CNOT10: variants seen among roughly 807,000 people sequenced by gnomAD.
CNOT10 encodes CCR4-NOT transcription complex subunit 10.
A neutral mutation model predicts 94.6 loss-of-function variants in CNOT10; 30 were observed. The ratio of observed to expected loss-of-function variants is 0.32; its 90% CI spans 0.24 to 0.43. The LOEUF is 0.43. CNOT10 is among the 20% of genes least tolerant of loss of function. The pLI is 1.00. For missense variants in CNOT10, 759 were observed against 877.2 expected, an observed-to-expected ratio of 0.87 and a Z score of 1.70; for synonymous variants, 289 against 301.6, an observed-to-expected ratio of 0.96 and a Z score of 0.43.
intron 13 of CNOT10, among the ~76,000 whole-genome samples, chr3:32,739,348 T>C (rs1418102838): frequency 6.6e-6 from 1 of 152,218 alleles, no homozygotes; most frequent in Admixed American, 6.5e-5. Context: ...TCGTTTCTGC[T>C]CTTTATTTTA....
intron 13 of CNOT10, among the ~76,000 whole-genome samples, chr3:32,745,693 T>C (rs746189316): frequency 6.6e-6 from 1 of 152,138 alleles, no homozygotes; most frequent in African/African-American, 2.4e-5. Flanking sequence ...GGAATACTAG[T>C]CAGCTATAAG....
chr3:32,762,266 A>AATTTCT (rs1553639009), intron 14 of CNOT10, among the ~76,000 whole-genome samples: 13 of 149,372 alleles, frequency 8.7e-5, no homozygotes, highest in Non-Finnish European at 1.5e-4. Context: ...GATCGATCTT[A>AATTTCT]ATTTTTATTT....
intron 1 of CNOT10, among the ~76,000 whole-genome samples, chr3:32,703,453 AAG>A (rs977815717): frequency 6.6e-6 from 1 of 152,190 alleles, no homozygotes; most frequent in African/African-American, 2.4e-5. Context: ...GAGGCACAGT[AAG>A]AGATTAACAA....
At chr3:32,703,019 C>T (rs1020377812) in intron 1 of CNOT10, among the ~76,000 whole-genome samples, 8 of 151,010 alleles carry the variant, frequency 5.3e-5, no homozygotes. Flanking sequence ...TCACGCCATT[C>T]TCCCGCCTCA....
At chr3:32,691,382 C>T (rs1696842443) in intron 1 of CNOT10, among the ~76,000 whole-genome samples, 1 of 151,976 alleles carries the variant, frequency 6.6e-6, no homozygotes, top group Non-Finnish European at 1.5e-5. Context: ...AGGATGGTCT[C>T]GATCTTCTGA....
chr3:32,709,644 T>C (rs1228255998), intron 4 of CNOT10, among the ~76,000 whole-genome samples: 1 of 152,104 alleles, frequency 6.6e-6, no homozygotes, highest in Non-Finnish European at 1.5e-5. Context: ...CTTCTCTTCT[T>C]TCCCTCAATC....
At chr3:32,701,013 C>A (rs1248229694) in intron 1 of CNOT10, among the ~76,000 whole-genome samples, 1 of 152,188 alleles carries the variant, frequency 6.6e-6, no homozygotes, top group Non-Finnish European at 1.5e-5. Flanking sequence ...GTGGCTCACA[C>A]CTGTAATCCT....
chr3:32,733,273 C>A, intron 10 of CNOT10, 150 bp from the exon 11 acceptor site: 1 of 554,138 alleles, frequency 1.8e-6, no homozygotes, highest in Non-Finnish European at 3.1e-6. Context: ...TCCACTAATA[C>A]CAAACATGTT....
chr3:32,714,802 T>A (rs1193965152), intron 5 of CNOT10, among the ~76,000 whole-genome samples: 2 of 152,172 alleles, frequency 1.3e-5, no homozygotes, highest in Non-Finnish European at 2.9e-5. Flanking sequence ...GGGTCTCATG[T>A]TTTTCTTTTA....
chr3:32,738,465 C>CTTT (rs367907658), intron 13 of CNOT10, among the ~76,000 whole-genome samples: 1 of 141,772 alleles, frequency 7.1e-6, no homozygotes, highest in African/African-American at 2.6e-5. Flanking sequence ...TTTTATATTT[C>CTTT]TTTTTTTTTT....
rs142610111 is a variant in CNOT10, at chr3:32,690,184, G to A, written c.22+4702G>A. The stretch of plus-strand genomic sequence containing the variant: ...CTGATCCAGGTAAGGAATGATAAGA[G>A]TAGGGGCTTTGAAATCAGATAGTTT... On this transcript the variant is annotated intron_variant, in intron 1 of 18. Coordinates refer to ENST00000328834, the MANE Select transcript of CNOT10 (RefSeq NM_015442.3). Among the ~76,000 whole-genome samples the A allele has an allele frequency of 7.5e-3, 1,146 of 152,316 alleles. 10 individuals are homozygous for A. Among genetic ancestry groups the A allele is most frequent in the Middle Eastern group, 0.061 (18 of 294 alleles).
intron 17 of CNOT10, among the ~76,000 whole-genome samples, chr3:32,766,003 ATT>A (rs755221571): frequency 0.1 from 3,442 of 33,346 alleles, 1,259 homozygotes; most frequent in Middle Eastern, 0.18. Context: ...TATGCTTTTA[ATT>A]TTTTTTTTTT....
In CNOT10 at chr3:32,737,457, C is replaced by T. The variant is rs1285568622; in HGVS notation, c.1562C>T (p.Ser521Phe). 1 of 1,611,776 alleles carries T rather than the reference C, an allele frequency of 6.2e-7. No homozygotes were observed. Among genetic ancestry groups the T allele is most frequent in the African/African-American group, 1.3e-5 (1 of 74,970 alleles). ...GDKFIPAPPSSPLRKQELENL... is the reference protein window; with the variant it reads ...GDKFIPAPPSFPLRKQELENL... ...AAATTCATTCCAGCTCCACCTTCTT[C>T]TCCATTGAGAAAACAGGAATTAGAA... The change falls in exon 13 of 19, where the codon TCT (serine) becomes TTT (phenylalanine). Residue 521 changes from serine to phenylalanine, a missense_variant. Ser to Phe is a radical substitution (Grantham distance 155, BLOSUM62 -2). This residue lies in a region of CNOT10 where 682 missense variants were observed against 799.4 expected (regional missense o/e 0.85). Coordinates refer to ENST00000328834, the MANE Select transcript of CNOT10 (RefSeq NM_015442.3).
chr3:32,770,064 G>T, intron 18 of CNOT10, 102 bp downstream of exon 18: 2 of 851,228 alleles, frequency 2.3e-6, no homozygotes, highest in Non-Finnish European at 1.9e-6. Flanking sequence ...GGAGTGCAGT[G>T]GTACCATCAG....
chr3:32,742,292 TG>T (rs1699506477), intron 13 of CNOT10, among the ~76,000 whole-genome samples: 1 of 152,130 alleles, frequency 6.6e-6, no homozygotes, highest in Non-Finnish European at 1.5e-5. Context: ...AAGTAAGATG[TG>T]TAGTGCTATC....
intron 8 of CNOT10, among the ~76,000 whole-genome samples, chr3:32,722,954 C>T (rs1168621222): frequency 5.9e-5 from 9 of 152,024 alleles, no homozygotes; most frequent in African/African-American, 1.9e-4. Flanking sequence ...ATTGTCATTG[C>T]TTAATTTAAA....
In CNOT10 at chr3:32,727,884, G is replaced by C; in HGVS notation, c.1215+14G>C. On this transcript the variant is annotated intron_variant, in intron 10 of 18. Transcript: ENST00000328834. ...GCCAATAAGGGGGTGAGTGCTACTTGGGTATCTTTTTAAACCCTGTCTTCT... is the reference window on the plus strand; with the variant it reads ...GCCAATAAGGGGGTGAGTGCTACTTCGGTATCTTTTTAAACCCTGTCTTCT... 1 of 1,601,558 alleles carries C rather than the reference G, an allele frequency of 6.2e-7. No homozygotes were observed. The highest frequency in any genetic ancestry group is 1.1e-5 in the South Asian group (1 of 89,390).
intron 1 of CNOT10, among the ~76,000 whole-genome samples, chr3:32,692,826 G>C (rs1433215078): frequency 6.6e-6 from 1 of 152,116 alleles, no homozygotes; most frequent in African/African-American, 2.4e-5. Context: ...TAGGCAGATC[G>C]CTTGAGCCCA....
At chr3:32,691,323 G>A (rs1374618545) in intron 1 of CNOT10, among the ~76,000 whole-genome samples, 1 of 151,880 alleles carries the variant, frequency 6.6e-6, no homozygotes, top group East Asian at 1.9e-4. Context: ...CACCATGCCT[G>A]GCTAATTTTT....
Sources: allele counts gnomAD v4.1 joint callset (sites outside exome capture counted in the v4.1 genomes callset), GRCh38; gene constraint gnomAD v4.1.1; regional missense constraint gnomAD v4.1.1; transcripts MANE v1.5; gene names NCBI Gene and HGNC (gene_info 2026-07-23, HGNC 2026-07-21).